PTPRO: variants seen among roughly 807,000 people sequenced by gnomAD.
PTPRO encodes receptor-type tyrosine-protein phosphatase O.
Under a neutral mutation model 145.2 loss-of-function variants are expected in PTPRO, and 62 were observed. The observed-to-expected ratio is 0.43, with a 90% CI of 0.35 to 0.53. The LOEUF is 0.53. Among genes scored for constraint, PTPRO ranks in the 20% least tolerant of loss-of-function variants. The probability of loss-of-function intolerance (pLI) is 0.01; values close to 1 mark genes in which losing one functional copy is unlikely to be tolerated. For missense variants in PTPRO, 1,345 were observed against 1,482.7 expected, an observed-to-expected ratio of 0.91 and a Z score of 1.53; for synonymous variants, 565 against 514.7, an observed-to-expected ratio of 1.10 and a Z score of -1.32.
intron 21 of PTPRO, 110 bp from the exon 22 acceptor site, chr12:15,580,586 CT>C (rs1334754256): frequency 8.9e-6 from 12 of 1,350,736 alleles, no homozygotes; most frequent in Admixed American, 1.7e-5. Flanking sequence ...GTGTGTGATC[CT>C]TTGCCAATTT....
chr12:15,561,467 G>C (rs1380225656), intron 17 of PTPRO, among the ~76,000 whole-genome samples: 1 of 152,078 alleles, frequency 6.6e-6, no homozygotes, highest in Admixed American at 6.6e-5. Flanking sequence ...TAAAAAAAGA[G>C]ACTAGAGGAA....
chr12:15,516,239 G>A (rs893860829), intron 8 of PTPRO, among the ~76,000 whole-genome samples: 6 of 149,210 alleles, frequency 4.0e-5, no homozygotes, highest in Admixed American at 2.7e-4. Flanking sequence ...TGCCCACCTT[G>A]GCTTCCCAAA....
At chr12:15,381,392 C>T (rs561683783) in intron 1 of PTPRO, among the ~76,000 whole-genome samples, 2 of 152,142 alleles carry the variant, frequency 1.3e-5, no homozygotes, top group African/African-American at 4.8e-5. Flanking sequence ...CGACCAGAAG[C>T]GTATCTCCAT....
chr12:15,362,246 A>G (rs986146059), intron 1 of PTPRO, among the ~76,000 whole-genome samples: 20 of 152,330 alleles, frequency 1.3e-4, no homozygotes, highest in South Asian at 8.3e-4. Context: ...CAGGAACTAT[A>G]AAAGCCACCA....
chr12:15,516,176 G>C (rs1048181294), intron 8 of PTPRO, among the ~76,000 whole-genome samples: 38 of 150,522 alleles, frequency 2.5e-4, no homozygotes, highest in Non-Finnish European at 5.3e-4. Context: ...ATTTTTAGTA[G>C]AGACGGGGTT....
intron 17 of PTPRO, among the ~76,000 whole-genome samples, 190 bp downstream of exon 17, chr12:15,560,466 T>C (rs943189149): frequency 1.3e-5 from 2 of 152,112 alleles, no homozygotes; most frequent in Non-Finnish European, 2.9e-5. Flanking sequence ...TCCGTTAAAT[T>C]TTTTTCCGTG....
intron 1 of PTPRO, among the ~76,000 whole-genome samples, chr12:15,366,906 A>G (rs1296224890): frequency 6.6e-6 from 1 of 152,158 alleles, no homozygotes; most frequent in Non-Finnish European, 1.5e-5. Context: ...TTTCAAGTCA[A>G]CCAAGGATTT....
At chr12:15,387,366 T>C (rs1015020892) in intron 1 of PTPRO, among the ~76,000 whole-genome samples, 1 of 135,720 alleles carries the variant, frequency 7.4e-6, no homozygotes, top group Non-Finnish European at 1.6e-5. Flanking sequence ...AAGCCCGGGG[T>C]TGGGGAGGGG....
chr12:15,343,598 G>C (rs759199020), intron 1 of PTPRO, among the ~76,000 whole-genome samples: 104 of 152,248 alleles, frequency 6.8e-4, no homozygotes, highest in Non-Finnish European at 6.5e-4. Context: ...TGAGATGGGA[G>C]AATCGCTTGA....
At chr12:15,569,753 A>G (rs536099093) in intron 19 of PTPRO, among the ~76,000 whole-genome samples, 1 of 152,330 alleles carries the variant, frequency 6.6e-6, no homozygotes, top group South Asian at 2.1e-4. Flanking sequence ...TGGGTATAGT[A>G]GAAGCCATCA....
At chr12:15,446,002 A>G (rs1479131808) in intron 1 of PTPRO, among the ~76,000 whole-genome samples, 1 of 152,162 alleles carries the variant, frequency 6.6e-6, no homozygotes, top group Non-Finnish European at 1.5e-5. Context: ...TTTGTAGCAT[A>G]TTGATTAAAA....
In PTPRO at chr12:15,534,309, A is replaced by G. The variant is rs74063852; in HGVS notation, c.2164+8047A>G. On this transcript the variant is annotated intron_variant, in intron 12 of 26. Coordinates refer to ENST00000281171, the MANE Select transcript of PTPRO (RefSeq NM_030667.3). ...TAAAAAAAAGAAAAAGAAAGGAAAG[A>G]AAAAACAGGAATGAGACGTGTTGGA... 5.1e-3 allele frequency among the ~76,000 whole-genome samples: 778 copies of G among 152,272 alleles called. 10 individuals are homozygous for G. The highest frequency in any genetic ancestry group is 0.018 in the African/African-American group (751 of 41,554).
chr12:15,375,574 G>A (rs1211835680), intron 1 of PTPRO, among the ~76,000 whole-genome samples: 3 of 151,862 alleles, frequency 2.0e-5, no homozygotes, highest in Middle Eastern at 3.2e-3. Context: ...TGGCCAAGAT[G>A]GTGAAACCCC....
chr12:15,571,583 G>A (rs1213293837), intron 19 of PTPRO, among the ~76,000 whole-genome samples: 1 of 152,220 alleles, frequency 6.6e-6, no homozygotes, highest in African/African-American at 2.4e-5. Context: ...ACGATGCCCA[G>A]CCCAACCTCT....
chr12:15,455,818 G>A (rs907086890), intron 1 of PTPRO, among the ~76,000 whole-genome samples: 20 of 152,172 alleles, frequency 1.3e-4, no homozygotes, highest in East Asian at 1.2e-3. Context: ...ACAATTTGAC[G>A]TCCTCTTTTT....
At chr12:15,534,134 C>T (rs1943020818) in intron 12 of PTPRO, among the ~76,000 whole-genome samples, 1 of 152,122 alleles carries the variant, frequency 6.6e-6, no homozygotes, top group Admixed American at 6.6e-5. Context: ...AGGTTGCCAG[C>T]AGTTTCACGA....
intron 1 of PTPRO, among the ~76,000 whole-genome samples, chr12:15,395,910 A>C (rs1305284211): frequency 1.3e-5 from 2 of 152,156 alleles, no homozygotes; most frequent in Non-Finnish European, 2.9e-5. Flanking sequence ...TTAAGCAATG[A>C]ACCTCAGACA....
At chr12:15,368,210 C>T (rs1938421443) in intron 1 of PTPRO, among the ~76,000 whole-genome samples, 1 of 152,156 alleles carries the variant, frequency 6.6e-6, no homozygotes, top group Non-Finnish European at 1.5e-5. Context: ...TGCTCTGGCC[C>T]ATGGCTTTGC....
rs61908036 is a variant in PTPRO, at chr12:15,455,587, G to A, written c.76-28387G>A. On this transcript the variant is annotated intron_variant, in intron 1 of 26. Transcript: ENST00000281171. ...CCACTATAATTATGTTTATTCCTAA[G>A]TATTTTATTCTTTTTAATGTTATTG... Among the ~76,000 whole-genome samples, 564 of 152,172 alleles carry A rather than the reference G, an allele frequency of 3.7e-3. 7 individuals are homozygous for A. Among genetic ancestry groups the A allele is most frequent in the Non-Finnish European group, 6.2e-3 (424 of 67,996 alleles).
Sources: allele counts gnomAD v4.1 joint callset (sites outside exome capture counted in the v4.1 genomes callset), GRCh38; gene constraint gnomAD v4.1.1; transcripts MANE v1.5; gene names NCBI Gene and HGNC (gene_info 2026-07-23, HGNC 2026-07-21).